Variants in LNPEP observed in about 807,000 individuals in gnomAD.
The protein encoded by LNPEP is leucyl and cystinyl aminopeptidase.
In LNPEP, 64 loss-of-function variants were observed where a neutral mutation model predicts 120.6. That is an observed-to-expected ratio of 0.53 (90% confidence interval 0.43 to 0.65). LNPEP has a LOEUF of 0.65. Ranked by LOEUF, LNPEP falls within the 30% of genes least tolerant of loss-of-function variation. LNPEP has a pLI of 0.00. For synonymous variants in LNPEP, 435 were observed against 425.4 expected (o/e 1.02, Z -0.28); for missense variants, 1,057 against 1,200.0 (o/e 0.88, Z 1.76).
At chr5:96,967,107 C>T (rs1789745363) in intron 1 of LNPEP, among the ~76,000 whole-genome samples, 1 of 152,058 alleles carries the variant, frequency 6.6e-6, no homozygotes, top group African/African-American at 2.4e-5. Flanking sequence ...GAGATTTTGA[C>T]ACACAGATTT....
intron 2 of LNPEP, 116 bp downstream of exon 2, chr5:96,980,094 A>T: frequency 1.1e-6 from 1 of 930,090 alleles, no homozygotes; most frequent in Non-Finnish European, 1.6e-6. Flanking sequence ...TTAGGAAGTT[A>T]TATACAAAAT....
chr5:97,015,191 G>A (rs983961751), intron 13 of LNPEP, 96 bp downstream of exon 13: 2 of 730,360 alleles, frequency 2.7e-6, no homozygotes, highest in African/African-American at 3.6e-5. Context: ...AAAGCAACCA[G>A]TTAAATTCCA....
chr5:97,006,045 T>TA (rs1790772800), intron 9 of LNPEP, 28 bp from the exon 10 acceptor site: 20 of 755,570 alleles, frequency 2.6e-5, no homozygotes, highest in East Asian at 9.8e-5. Context: ...AGGAAAAAGT[T>TA]TTATATATAT....
intron 8 of LNPEP, 43 bp from the exon 9 acceptor site, chr5:97,003,372 T>C: frequency 8.7e-7 from 1 of 1,145,304 alleles, no homozygotes; most frequent in South Asian, 1.5e-5. Context: ...ATCTATAGTA[T>C]TCTATTATTT....
chr5:97,022,620 G>T, intron 14 of LNPEP, 136 bp downstream of exon 14: 4 of 691,144 alleles, frequency 5.8e-6, no homozygotes, highest in Admixed American at 3.0e-5. Context: ...CTATGTATCT[G>T]CATTCTCAAA....
intron 17 of LNPEP, 51 bp downstream of exon 17, chr5:97,027,865 C>T (rs761931218): frequency 7.6e-6 from 8 of 1,054,756 alleles, no homozygotes; most frequent in South Asian, 2.5e-5. Flanking sequence ...TCCGCACACC[C>T]GGACCAGGCT....
At chr5:96,966,654 C>T (rs1789733877) in intron 1 of LNPEP, among the ~76,000 whole-genome samples, 1 of 151,746 alleles carries the variant, frequency 6.6e-6, no homozygotes, top group Non-Finnish European at 1.5e-5. Context: ...TGGATAATAA[C>T]TGCCCTGTCT....
In LNPEP at chr5:97,027,499, C is replaced by T. The variant is rs574432463; in HGVS notation, c.2865-234C>T. 1.2e-4 allele frequency among the ~76,000 whole-genome samples: 19 copies of T among 152,214 alleles called. No individual in the cohort carries two copies. The South Asian group carries it at 3.5e-3, about 28-fold the overall frequency. ...ATTTCTGGGTGTACAGTGTGATCTTCGACAATGTTAAGCGGATTAATTGTC... is the reference window on the plus strand; with the variant it reads ...ATTTCTGGGTGTACAGTGTGATCTTTGACAATGTTAAGCGGATTAATTGTC... On this transcript the variant is annotated intron_variant, in intron 16 of 17. Coordinates refer to ENST00000231368, the MANE Select transcript of LNPEP (RefSeq NM_005575.3).
rs1319480552 is a variant in LNPEP, at chr5:96,992,998, A to G, written c.1132-17A>G. 1.3e-6 allele frequency: 2 copies of G among 1,562,426 alleles called. No homozygotes were observed. Among genetic ancestry groups the G allele is most frequent in the Non-Finnish European group, 1.7e-6 (2 of 1,152,978 alleles). On this transcript the variant is annotated splice_polypyrimidine_tract_variant and intron_variant, in intron 4 of 17. Coordinates refer to ENST00000231368, the MANE Select transcript of LNPEP (RefSeq NM_005575.3). ...AATTGTACCTGTCCTTGCATCATAC[A>G]TAATGTTTTCCTTTAGGTTTCTATA... is the stretch of plus-strand genomic sequence containing the variant.
At chr5:97,003,366 A>G (rs764436535) in intron 8 of LNPEP, 49 bp from the exon 9 acceptor site, 8 of 1,097,372 alleles carry the variant, frequency 7.3e-6, no homozygotes, top group South Asian at 6.2e-5. Context: ...TCGATAATCT[A>G]TAGTATTCTA....
intron 11 of LNPEP, among the ~76,000 whole-genome samples, chr5:97,008,662 C>CATT (rs1790849932): frequency 1.2e-5 from 1 of 85,448 alleles, no homozygotes; most frequent in Non-Finnish European, 2.1e-5. Flanking sequence ...CCTCTTTACT[C>CATT]TTTTTTTTTT....
chr5:96,938,371 A>G (rs1469458716), intron 1 of LNPEP, among the ~76,000 whole-genome samples: 2 of 152,190 alleles, frequency 1.3e-5, no homozygotes, highest in African/African-American at 2.4e-5. Flanking sequence ...TCCCACTTAC[A>G]CTTTTTCATG....
Position 97,014,988 on chromosome 5 carries a change from G to T in LNPEP, c.2269G>T (p.Gly757Ter). The T allele has an allele frequency of 6.3e-7, 1 of 1,588,230 alleles. No homozygotes were observed. The highest frequency in any genetic ancestry group is 1.3e-5 in the African/African-American group (1 of 74,236). The change falls in exon 13 of 18, where the codon GGA (glycine) becomes TGA (stop). Residue 757 changes from glycine to a stop codon, truncating the protein, a stop_gained. Transcript: ENST00000231368. LOFTEE classifies it high-confidence loss of function. ...GGCCTTTGATTTGATTAATTATCTT[G>T]GAAATGAGAACCATACTGCACCCAT... is the stretch of plus-strand genomic sequence containing the variant. The part of the protein sequence containing the change: ...KRAFDLINYL[G>*]NENHTAPITE...
Position 97,006,116 on chromosome 5 carries a change from G to A in LNPEP, c.1829G>A (p.Trp610Ter), listed in dbSNP as rs1276268729. ...GATGTAAAGAGAATGATGAAAACCT[G>A]GACCCTGCAGAAAGGATTTCCTTTA... ...TLDVKRMMKT[W>*]TLQKGFPLVT... Residue 610 changes from tryptophan to a stop codon, truncating the protein, a stop_gained, in exon 10 of 18, where the codon TGG becomes TAG. Transcript: ENST00000231368. LOFTEE classifies it high-confidence loss of function. 1.9e-6 allele frequency: 3 copies of A among 1,584,046 alleles called. No individual in the cohort carries two copies. Among genetic ancestry groups the A allele is most frequent in the Non-Finnish European group, 2.6e-6 (3 of 1,163,644 alleles).
chr5:96,983,430 C>T (rs980146830), intron 2 of LNPEP, among the ~76,000 whole-genome samples: 1 of 151,950 alleles, frequency 6.6e-6, no homozygotes, highest in African/African-American at 2.4e-5. Flanking sequence ...TTTCCACCAA[C>T]CTGTAATCGA....
Position 97,013,799 on chromosome 5 carries a change from C to T in LNPEP, c.2187C>T (p.Ala729=). Residue 729 remains alanine, a synonymous_variant, in exon 12 of 18, where the codon GCC becomes GCT. Coordinates refer to ENST00000231368, the MANE Select transcript of LNPEP (RefSeq NM_005575.3). The part of the protein sequence containing the change: ...NPYVLSDKDR[A]NLINNIFELA... ...ATGTTCTGAGTGACAAAGACCGAGCCAACCTTATCAACAACATCTTTGAAC... is the reference window on the plus strand; with the variant it reads ...ATGTTCTGAGTGACAAAGACCGAGCTAACCTTATCAACAACATCTTTGAAC... 1 of 1,603,798 alleles carries T rather than the reference C, an allele frequency of 6.2e-7. No homozygotes were observed. The highest frequency in any genetic ancestry group is 8.5e-7 in the Non-Finnish European group (1 of 1,176,494).
chr5:96,976,018 C>A (rs1413237515), intron 1 of LNPEP, among the ~76,000 whole-genome samples: 1 of 152,018 alleles, frequency 6.6e-6, no homozygotes. Context: ...TAGAAAATTC[C>A]CTGTTTCTTT....
At chr5:96,968,736 A>G (rs866619354) in intron 1 of LNPEP, among the ~76,000 whole-genome samples, 6 of 152,016 alleles carry the variant, frequency 3.9e-5, no homozygotes, top group Admixed American at 6.6e-5. Context: ...AAAAAAGCCT[A>G]TGGGCTGCAG....
At chr5:96,961,329 T>C (rs1037730008) in intron 1 of LNPEP, among the ~76,000 whole-genome samples, 1 of 152,184 alleles carries the variant, frequency 6.6e-6, no homozygotes, top group African/African-American at 2.4e-5. Flanking sequence ...GTTCTGTGGG[T>C]TAAACTCACT....
Sources: gnomAD v4.1 joint callset for allele counts (sites outside exome capture counted in the v4.1 genomes callset) on GRCh38, gnomAD v4.1.1 for gene constraint, MANE v1.5 for transcripts, NCBI Gene and HGNC (gene_info 2026-07-23, HGNC 2026-07-21) for gene names.